ZNF397: variants seen among roughly 807,000 people sequenced by gnomAD.
ZNF397 encodes zinc finger and SCAN domain-containing protein 15.
ZNF397 carries 38 observed loss-of-function variants against 50.6 expected under a neutral mutation model. That is an observed-to-expected ratio of 0.75 (90% CI 0.58 to 0.98). The LOEUF is 0.98. ZNF397 is among the 50% of genes least tolerant of loss of function. The pLI is 0.00. For synonymous variants in ZNF397, 228 were observed against 215.2 expected (o/e 1.06, Z -0.52); for missense variants, 624 against 624.1 (o/e 1.00, Z 0.00).
Position 35,242,441 on chromosome 18 carries a change from G to T in ZNF397, c.-30G>T. ...TCGCAAGCACAGAACCAGTTGTACT[G>T]AGCTTTTTGCTAAGCTGTTTCAGCC... On this transcript the variant is annotated 5_prime_UTR_variant, in exon 2 of 4. Transcript: ENST00000330501. 6.3e-7 allele frequency: 1 copy of T among 1,594,940 alleles called. No homozygotes were observed. The highest frequency in any genetic ancestry group is 1.1e-5 in the South Asian group (1 of 88,630).
chr18:35,254,064 G>T (rs200557192), downstream of ZNF397: 902 of 1,614,110 alleles, frequency 5.6e-4, 4 homozygotes, highest in Middle Eastern at 3.3e-3. Context: ...ACGCTCTGTT[G>T]TGTAATATCA....
rs972875310 is a variant in ZNF397, at chr18:35,245,758, T to C, written c.1053T>C (p.Asn351=). 5 of 1,552,028 alleles carry C rather than the reference T, an allele frequency of 3.2e-6. No homozygotes were observed. The highest frequency in any genetic ancestry group is 3.5e-6 in the Non-Finnish European group (4 of 1,147,154). ...GTAGTGAATGTGGGAAAGCTTTCAA[T>C]CAGAGCTCAGCCCTCATTAGACATC... ...YECSECGKAF[N]QSSALIRHRK... The change falls in exon 4 of 4, where the codon AAT becomes AAC. Residue 351 remains asparagine (N), a synonymous_variant. Coordinates refer to ENST00000330501, the MANE Select transcript of ZNF397 (RefSeq NM_001135178.3).
chr18:35,245,808 C>T lies in ZNF397; in HGVS notation c.1103C>T (p.Ala368Val), dbSNP rs939101737. 3.2e-6 allele frequency: 5 copies of T among 1,552,164 alleles called. No homozygotes were observed. Among genetic ancestry groups the T allele is most frequent in the Admixed American group, 2.0e-5 (1 of 51,010 alleles). ...RHRKIHTGEK[A>V]CKCNECGKAF... ...CGGAAAATCCATACTGGTGAGAAAG[C>T]TTGTAAATGTAATGAGTGTGGCAAA... The change falls in exon 4 of 4, where the codon GCT becomes GTT. Residue 368 changes from alanine to valine, a missense_variant. Physicochemically the swap from Ala to Val is moderately conservative, Grantham distance 64. Coordinates refer to ENST00000330501, the MANE Select transcript of ZNF397 (RefSeq NM_001135178.3).
chr18:35,243,394 C>T lies in ZNF397; in HGVS notation c.556+101C>T, dbSNP rs768982467. 5.8e-6 allele frequency: 9 copies of T among 1,555,272 alleles called. No homozygotes were observed. The Admixed American group carries it at 1.5e-4, about 26-fold the overall frequency. On this transcript the variant is annotated intron_variant, in intron 3 of 3. Coordinates refer to ENST00000330501, the MANE Select transcript of ZNF397 (RefSeq NM_001135178.3). ...TGACAAACTTGCCACATGTGAGCAT[C>T]ACCTTTATTATTCTAAACCAGAGGT...
chr18:35,246,858 T>G lies in ZNF397; in HGVS notation c.*548T>G, dbSNP rs772660171. 26 of 985,112 alleles carry G rather than the reference T, an allele frequency of 2.6e-5. No individual in the cohort carries two copies. The highest frequency in any genetic ancestry group is 1.0e-3 in the Middle Eastern group (2 of 1,936). The allele number at this position is 985,112 out of a possible 1,614,324, so 61.0% of individuals were successfully genotyped here. A position where few individuals can be genotyped will look rare whatever the true frequency, so the allele number is the denominator to read the frequency against. The stretch of plus-strand genomic sequence containing the variant: ...AGAATATAATTTACCCAAAGGTTAT[T>G]TTTTGAGTACCTACTTTGTCCCAGG... On this transcript the variant is annotated 3_prime_UTR_variant, in exon 4 of 4. Transcript: ENST00000330501.
rs563880088 is a variant in ZNF397 at position 35,249,181 on chromosome 18, C to T, written c.*2871C>T. The T allele has an allele frequency of 1.3e-5, 2 of 152,192 alleles. No homozygotes were observed. The highest frequency in any genetic ancestry group is 2.9e-5 in the Non-Finnish European group (2 of 68,046). 9.4% of individuals were successfully genotyped at this position (152,192 alleles called of 1,614,324 possible). On this transcript the variant is annotated 3_prime_UTR_variant, in exon 4 of 4. Coordinates refer to ENST00000330501, the MANE Select transcript of ZNF397 (RefSeq NM_001135178.3). ...ATGACACTTTTCCTTATAAAACAGA[C>T]AGGGATTCAGGGACATTGGGACTCT...
rs2043522356 is a variant in ZNF397, at chr18:35,248,793, G to A, written c.*2483G>A. On this transcript the variant is annotated 3_prime_UTR_variant, in exon 4 of 4. Coordinates refer to ENST00000330501, the MANE Select transcript of ZNF397 (RefSeq NM_001135178.3). ...GGAAGTCGAGGCTTCAGTGAGGCAAGATCACACCACTGCACTCCAGCCTGG... is the reference window on the plus strand; with the variant it reads ...GGAAGTCGAGGCTTCAGTGAGGCAAAATCACACCACTGCACTCCAGCCTGG... The A allele has an allele frequency of 6.6e-6, 1 of 152,094 alleles. No individual in the cohort carries two copies. The highest frequency in any genetic ancestry group is 1.5e-5 in the Non-Finnish European group (1 of 68,068). 9.4% of individuals were successfully genotyped at this position (152,094 alleles called of 1,614,324 possible).
In ZNF397 at chr18:35,245,800, T is replaced by A. The variant is rs1234952913; in HGVS notation, c.1095T>A (p.Gly365=). The change falls in exon 4 of 4, where the codon GGT becomes GGA. Residue 365 remains glycine, a synonymous_variant. Coordinates refer to ENST00000330501, the MANE Select transcript of ZNF397 (RefSeq NM_001135178.3). ...TTAGACATCGGAAAATCCATACTGG[T>A]GAGAAAGCTTGTAAATGTAATGAGT... ...ALIRHRKIHT[G]EKACKCNECG... The A allele has an allele frequency of 6.4e-7, 1 of 1,551,906 alleles. No homozygotes were observed. Among genetic ancestry groups the A allele is most frequent in the East Asian group, 2.4e-5 (1 of 40,868 alleles).
Position 35,245,249 on chromosome 18 carries a change from C to T in ZNF397, c.557-13C>T, listed in dbSNP as rs1160201673. The T allele has an allele frequency of 6.4e-6, 10 of 1,566,654 alleles. No individual in the cohort carries two copies. The Admixed American group carries it at 7.8e-5, about 12-fold the overall frequency. ...AAATGTAATATCTGTTTTTTTGCTA[C>T]TTATTGTTTCAGATTGTGAGAACAG... On this transcript the variant is annotated splice_polypyrimidine_tract_variant and intron_variant, in intron 3 of 3. Coordinates refer to ENST00000330501, the MANE Select transcript of ZNF397 (RefSeq NM_001135178.3).
chr18:35,242,333 T>C (rs988655369), intron 1 of ZNF397, 58 bp from the exon 2 acceptor site: 1 of 776,238 alleles, frequency 1.3e-6, no homozygotes. Context: ...TCTTTCTTAT[T>C]ACAAGTACTT....
intron 5 of ZNF397, chr18:35,257,482 G>C (rs563480244): frequency 5.5e-6 from 1 of 180,834 alleles, no homozygotes; most frequent in Non-Finnish European, 1.2e-5. Context: ...GCCCTATGGT[G>C]CTCATTTGCC....
In ZNF397 at chr18:35,245,373, T is replaced by C; in HGVS notation, c.668T>C (p.Val223Ala). 1 of 1,609,042 alleles carries C rather than the reference T, an allele frequency of 6.2e-7. No homozygotes were observed. Among genetic ancestry groups the C allele is most frequent in the Non-Finnish European group, 8.5e-7 (1 of 1,177,216 alleles). Residue 223 changes from valine to alanine, a missense_variant, in exon 4 of 4, where the codon GTG becomes GCG. Transcript: ENST00000330501. ...RGISEHESNL[V>A]WKQGSATGEK... Reference sequence around the variant, plus strand: ...ATTAGTGAGCATGAAAGCAATTTAGTGTGGAAGCAAGGAAGTGCTACAGGG... The same window carrying C: ...ATTAGTGAGCATGAAAGCAATTTAGCGTGGAAGCAAGGAAGTGCTACAGGG...
downstream of ZNF397, among the ~76,000 whole-genome samples, chr18:35,250,613 A>G (rs545424563): frequency 1.3e-5 from 2 of 152,324 alleles, no homozygotes; most frequent in South Asian, 4.1e-4. Context: ...TTGGAAATTT[A>G]AAGCAAATCT....
At chr18:35,254,425 G>A, downstream of ZNF397, 1 of 1,613,242 alleles carries the variant, frequency 6.2e-7, no homozygotes, top group Non-Finnish European at 8.5e-7. Context: ...TACTTCCCAT[G>A]ACAGAAGAAA....
rs2143577348 is a variant in ZNF397 at position 35,242,465 on chromosome 18, C to G, written c.-6C>G. The G allele has an allele frequency of 6.2e-7, 1 of 1,607,718 alleles. No homozygotes were observed. Among genetic ancestry groups the G allele is most frequent in the East Asian group, 2.2e-5 (1 of 44,824 alleles). ...TGAGCTTTTTGCTAAGCTGTTTCAG[C>G]CAAGAATGGCTGTGGAATCTGGAGT... On this transcript the variant is annotated 5_prime_UTR_variant, in exon 2 of 4. Transcript: ENST00000330501.
Position 35,245,786 on chromosome 18 carries a change from A to C in ZNF397, c.1081A>C (p.Lys361Gln). ...GAGCTCAGCCCTCATTAGACATCGG[A>C]AAATCCATACTGGTGAGAAAGCTTG... is the stretch of plus-strand genomic sequence containing the variant. ...NQSSALIRHRKIHTGEKACKC... is the reference protein window; with the variant it reads ...NQSSALIRHRQIHTGEKACKC... The change falls in exon 4 of 4, where the codon AAA becomes CAA. Residue 361 changes from lysine (K) to glutamine (Q), a missense_variant. By Grantham distance (53) the Lys-to-Gln change is moderately conservative. Transcript: ENST00000330501. 1 of 1,552,202 alleles carries C rather than the reference A, an allele frequency of 6.4e-7. No homozygotes were observed.
At chr18:35,242,033 G>C (rs1271545493) in intron 1 of ZNF397, among the ~76,000 whole-genome samples, 1 of 152,172 alleles carries the variant, frequency 6.6e-6, no homozygotes, top group East Asian at 1.9e-4. Flanking sequence ...ATTTAAAAGA[G>C]AGTTCTACAA....
At chr18:35,251,201 TAAAC>T (rs1406770020), downstream of ZNF397, 3 of 152,136 alleles carry the variant, frequency 2.0e-5, no homozygotes, top group Non-Finnish European at 4.4e-5. Context: ...TTGGGAAAAA[TAAAC>T]ACTAATAGAA....
At position 35,248,843 on chromosome 18, in the gene ZNF397, CA is replaced by C. The variant is rs949810679; in HGVS notation, c.*2542del. 6 of 148,196 alleles carry C rather than the reference CA, an allele frequency of 4.0e-5. No homozygotes were observed. The highest frequency in any genetic ancestry group is 9.0e-5 in the Non-Finnish European group (6 of 66,898). 9.2% of individuals were successfully genotyped at this position (148,196 alleles called of 1,614,324 possible). A position where few individuals can be genotyped will look rare whatever the true frequency, so the allele number is the denominator to read the frequency against. ...GGAGAGCAAGACCCTGTCTCCAAAC[CA>C]AAAAAAAAGGAAAAAAGTAAATGTA... On this transcript the variant is annotated 3_prime_UTR_variant, in exon 4 of 4. Coordinates refer to ENST00000330501, the MANE Select transcript of ZNF397 (RefSeq NM_001135178.3).
Sources: gnomAD v4.1 joint callset for allele counts (sites outside exome capture counted in the v4.1 genomes callset) on GRCh38, gnomAD v4.1.1 for gene constraint, MANE v1.5 for transcripts, NCBI Gene and HGNC (gene_info 2026-07-23, HGNC 2026-07-21) for gene names.